MTMR2: variants seen among roughly 807,000 people sequenced by gnomAD.
MTMR2 encodes phosphatidylinositol-3,5-bisphosphate 3-phosphatase MTMR2.
In MTMR2, 55 loss-of-function variants were observed where a neutral mutation model predicts 86.9. That is an observed-to-expected ratio of 0.63 (90% confidence interval 0.51 to 0.79). MTMR2 has a LOEUF of 0.79. Ranked by LOEUF, MTMR2 falls within the 30% of genes least tolerant of loss-of-function variation. The pLI, the probability that MTMR2 is intolerant of heterozygous loss-of-function variation, is 0.00. For synonymous variants in MTMR2, 241 were observed against 266.8 expected (o/e 0.90, Z 0.94); for missense variants, 659 against 772.3 (o/e 0.85, Z 1.74).
In MTMR2 at chr11:95,835,058, T is replaced by C; in HGVS notation, c.*232A>G. ...ATCCAGGATTGAAGTATTTTAATATTCTTTGGATACTTAAAAGATTAGTAT... is the reference window on the plus strand; with the variant it reads ...ATCCAGGATTGAAGTATTTTAATATCCTTTGGATACTTAAAAGATTAGTAT... On this transcript the variant is annotated 3_prime_UTR_variant, in exon 15 of 15. Coordinates refer to ENST00000346299, the MANE Select transcript of MTMR2 (RefSeq NM_016156.6). The C allele has an allele frequency of 1.9e-6, 1 of 528,782 alleles. No individual in the cohort carries two copies. Among genetic ancestry groups the C allele is most frequent in the Non-Finnish European group, 3.4e-6 (1 of 293,306 alleles). The allele number at this position is 528,782 out of a possible 1,614,324, so 32.8% of individuals were successfully genotyped here. A position where few individuals can be genotyped will look rare whatever the true frequency, so the allele number is the denominator to read the frequency against.
chr11:95,853,642 A>G (rs1864104626), intron 7 of MTMR2, among the ~76,000 whole-genome samples: 1 of 152,142 alleles, frequency 6.6e-6, no homozygotes, highest in African/African-American at 2.4e-5. Flanking sequence ...TACTTGCTCT[A>G]TCAGACTATT....
chr11:95,902,183 T>G (rs1312322353), intron 1 of MTMR2, among the ~76,000 whole-genome samples: 1 of 152,214 alleles, frequency 6.6e-6, no homozygotes, highest in Non-Finnish European at 1.5e-5. Context: ...TTTCTTTCTA[T>G]GTAAAATGGC....
At chr11:95,863,777 T>C (rs1051822951) in intron 3 of MTMR2, among the ~76,000 whole-genome samples, 3 of 152,170 alleles carry the variant, frequency 2.0e-5, no homozygotes, top group African/African-American at 7.2e-5. Flanking sequence ...CATATAAAGA[T>C]GCTTCTAAAG....
At chr11:95,922,288 T>C (rs1866956368) in intron 1 of MTMR2, among the ~76,000 whole-genome samples, 1 of 152,210 alleles carries the variant, frequency 6.6e-6, no homozygotes. Flanking sequence ...TGCTGCTTCA[T>C]GTGGTTCTAA....
chr11:95,879,244 T>A (rs751176078), intron 2 of MTMR2, among the ~76,000 whole-genome samples: 1 of 151,132 alleles, frequency 6.6e-6, no homozygotes, highest in Non-Finnish European at 1.5e-5. Flanking sequence ...AGAAAGAGAG[T>A]GGGGAAAGCA....
chr11:95,861,239 A>T (rs1864408586), intron 5 of MTMR2, among the ~76,000 whole-genome samples: 1 of 151,236 alleles, frequency 6.6e-6, no homozygotes, highest in South Asian at 2.1e-4. Context: ...TAGTTCTTCC[A>T]CTACGAAGTA....
At chr11:95,869,726 G>A (rs1864779438) in intron 2 of MTMR2, among the ~76,000 whole-genome samples, 1 of 152,300 alleles carries the variant, frequency 6.6e-6, no homozygotes, top group East Asian at 1.9e-4. Context: ...GAATAAAGGA[G>A]ATGGCTTGAG....
chr11:95,882,262 G>C lies in MTMR2; in HGVS notation c.186+5894C>G, dbSNP rs563055619. Reference sequence around the variant, plus strand: ...CCTGTAATCCCAACACTCTCGGGGGGGCCGAGGTGGGCGGATCATGAGATC... The same window carrying C: ...CCTGTAATCCCAACACTCTCGGGGGCGCCGAGGTGGGCGGATCATGAGATC... On this transcript the variant is annotated intron_variant, in intron 2 of 14. Coordinates refer to ENST00000346299, the MANE Select transcript of MTMR2 (RefSeq NM_016156.6). The C allele has an allele frequency of 4.6e-4, 70 of 150,878 alleles. 1 individual carries two copies. Among genetic ancestry groups the C allele is most frequent in the Admixed American group, 2.3e-3 (35 of 15,168 alleles). 9.3% of individuals were successfully genotyped at this position (150,878 alleles called of 1,614,324 possible).
intron 1 of MTMR2, chr11:95,914,146 G>A (rs1004997095): frequency 1.0e-6 from 1 of 970,064 alleles, no homozygotes; most frequent in African/African-American, 1.8e-5. Flanking sequence ...TTACTCATAA[G>A]TGCAAATTTC....
intron 10 of MTMR2, among the ~76,000 whole-genome samples, chr11:95,847,385 G>C (rs192107361): frequency 6.6e-6 from 1 of 152,126 alleles, no homozygotes; most frequent in Non-Finnish European, 1.5e-5. Context: ...TGGAAAGACA[G>C]GGTAAAGAGT....
intron 1 of MTMR2, among the ~76,000 whole-genome samples, chr11:95,892,130 T>C (rs535522849): frequency 1.9e-4 from 29 of 152,326 alleles, no homozygotes; most frequent in African/African-American, 6.7e-4. Context: ...CTGCTTTTTT[T>C]CCATTTCTCC....
Position 95,835,304 on chromosome 11 carries a change from G to A in MTMR2, c.1918C>T (p.Gln640Ter), listed in dbSNP as rs1427868848. Residue 640 changes from glutamine (Q) to a stop codon, truncating the protein, a stop_gained, in exon 15 of 15, where the codon CAA becomes TAA. Coordinates refer to ENST00000346299, the MANE Select transcript of MTMR2 (RefSeq NM_016156.6). LOFTEE classifies it high-confidence loss of function. ...SSPAQCVTPV[Q>*]TVV is the part of the protein sequence containing the mutation. Reference sequence around the variant, plus strand: ...CTTACAGTCCTTTATACAACAGTTTGGACAGGAGTGACACACTGTGCAGGA... The same window carrying A: ...CTTACAGTCCTTTATACAACAGTTTAGACAGGAGTGACACACTGTGCAGGA... The A allele has an allele frequency of 6.2e-7, 1 of 1,612,816 alleles. No individual in the cohort carries two copies. The highest frequency in any genetic ancestry group is 1.1e-5 in the South Asian group (1 of 91,048).
chr11:95,860,723 G>T (rs36006898), intron 5 of MTMR2, among the ~76,000 whole-genome samples: 1 of 152,158 alleles, frequency 6.6e-6, no homozygotes, highest in Admixed American at 6.5e-5. Context: ...GAAGTGGTAC[G>T]TAGAATTAAA....
At chr11:95,875,301 A>G (rs1865064116) in intron 2 of MTMR2, among the ~76,000 whole-genome samples, 1 of 151,828 alleles carries the variant, frequency 6.6e-6, no homozygotes, top group Non-Finnish European at 1.5e-5. Context: ...ATTTCTTTTC[A>G]TTCTTTTTTC....
At position 95,865,540 on chromosome 11, in the gene MTMR2, T is replaced by A. The variant is rs78045121; in HGVS notation, c.262+61A>T. On this transcript the variant is annotated intron_variant, in intron 3 of 14. Transcript: ENST00000346299. ...CAGTTTATTCTCTGTATGCTGAGAG[T>A]ACTGAACATTCTGCACAGTAGAACG... 4.1e-4 allele frequency: 595 copies of A among 1,436,130 alleles called. 4 individuals carry two copies. In the African/African-American group the frequency reaches 7.0e-3, roughly 17 times the overall value. 89.0% of individuals were successfully genotyped at this position (1,436,130 alleles called of 1,614,324 possible). A position where few individuals can be genotyped will look rare whatever the true frequency, so the allele number is the denominator to read the frequency against.
At chr11:95,892,892 G>A (rs1865760402) in intron 1 of MTMR2, among the ~76,000 whole-genome samples, 1 of 152,058 alleles carries the variant, frequency 6.6e-6, no homozygotes, top group South Asian at 2.1e-4. Flanking sequence ...CCACTTCCCT[G>A]CAGACTTTAA....
intron 1 of MTMR2, among the ~76,000 whole-genome samples, chr11:95,895,992 C>G (rs1327359009): frequency 6.6e-6 from 1 of 152,018 alleles, no homozygotes; most frequent in Admixed American, 6.6e-5. Flanking sequence ...CTTACCACAG[C>G]CTCAAGTTGC....
intron 1 of MTMR2, chr11:95,912,886 T>C (rs1008923482): frequency 6.6e-6 from 1 of 152,112 alleles, no homozygotes; most frequent in Admixed American, 6.6e-5. Context: ...CTGTTCATAG[T>C]ATAGCTTATC....
At position 95,876,929 on chromosome 11, in the gene MTMR2, T is replaced by A. The variant is rs569911762; in HGVS notation, c.186+11227A>T. Among the ~76,000 whole-genome samples the A allele has an allele frequency of 2.1e-4, 32 of 152,268 alleles. No homozygotes were observed. In the East Asian group the frequency reaches 4.6e-3, roughly 22 times the overall value. The stretch of plus-strand genomic sequence containing the variant: ...AACTCGATCTAGAAGTTGGCAAGTT[T>A]AAGTCAGTTTTCACATGGAATGGTT... On this transcript the variant is annotated intron_variant, in intron 2 of 14. Coordinates refer to ENST00000346299, the MANE Select transcript of MTMR2 (RefSeq NM_016156.6).
Sources: gnomAD v4.1 joint callset for allele counts (sites outside exome capture counted in the v4.1 genomes callset) on GRCh38, gnomAD v4.1.1 for gene constraint, MANE v1.5 for transcripts, NCBI Gene and HGNC (gene_info 2026-07-23, HGNC 2026-07-21) for gene names.